Variants in NPAS3 observed in about 807,000 individuals in gnomAD.
The protein encoded by NPAS3 is neuronal PAS domain protein 3, also known as neuronal PAS domain-containing protein 3.
In NPAS3, 14 loss-of-function variants were observed where a neutral mutation model predicts 73.1. The observed-to-expected ratio is 0.19, with a 90% CI of 0.13 to 0.30. NPAS3 has a LOEUF of 0.30. NPAS3 is among the 10% of genes least tolerant of loss of function. The pLI is 1.00. For synonymous variants in NPAS3, 620 were observed against 541.5 expected (o/e 1.14, Z -2.01); for missense variants, 1,096 against 1,250.0 (o/e 0.88, Z 1.86).
intron 2 of NPAS3, among the ~76,000 whole-genome samples, chr14:33,070,766 CA>C (rs1286510694): frequency 6.6e-6 from 1 of 152,156 alleles, no homozygotes; most frequent in Non-Finnish European, 1.5e-5. Context: ...ATCCAGTGAA[CA>C]AAATGCTGAC....
At chr14:33,216,984 A>T (rs990640599) in intron 3 of NPAS3, among the ~76,000 whole-genome samples, 1 of 152,192 alleles carries the variant, frequency 6.6e-6, no homozygotes, top group Non-Finnish European at 1.5e-5. Context: ...GCTATAAAAA[A>T]CTACCCGAGA....
intron 4 of NPAS3, among the ~76,000 whole-genome samples, chr14:33,483,324 G>A (rs2051421739): frequency 1.3e-5 from 2 of 152,102 alleles, no homozygotes; most frequent in South Asian, 4.1e-4. Flanking sequence ...ATCAGTGTTG[G>A]GCTGCTTGTC....
At chr14:33,682,983 G>T (rs1369760207) in intron 6 of NPAS3, among the ~76,000 whole-genome samples, 1 of 152,178 alleles carries the variant, frequency 6.6e-6, no homozygotes, top group Non-Finnish European at 1.5e-5. Flanking sequence ...AGCTACAGAA[G>T]GGCGGCCTCC....
intron 4 of NPAS3, among the ~76,000 whole-genome samples, chr14:33,535,745 A>G (rs572922086): frequency 6.6e-6 from 1 of 152,156 alleles, no homozygotes. Flanking sequence ...TTCTTAAGCC[A>G]TTTTGCCATT....
chr14:33,121,816 G>A (rs1403906252), intron 2 of NPAS3, among the ~76,000 whole-genome samples: 2 of 152,144 alleles, frequency 1.3e-5, no homozygotes, highest in African/African-American at 4.8e-5. Context: ...GTACACCTGA[G>A]AAAACTCAGG....
intron 6 of NPAS3, 133 bp from the exon 7 acceptor site, chr14:33,735,081 A>G: frequency 1.5e-6 from 1 of 661,996 alleles, no homozygotes; most frequent in East Asian, 2.5e-5. Flanking sequence ...AAATGAGGTA[A>G]ATTGATTACT....
At chr14:33,490,441 G>A (rs1485316639) in intron 4 of NPAS3, among the ~76,000 whole-genome samples, 1 of 152,048 alleles carries the variant, frequency 6.6e-6, no homozygotes, top group Non-Finnish European at 1.5e-5. Context: ...AGTATACAGT[G>A]ACATTGTAAG....
chr14:33,419,050 C>T (rs539029119), intron 4 of NPAS3, among the ~76,000 whole-genome samples: 2 of 152,012 alleles, frequency 1.3e-5, no homozygotes, highest in African/African-American at 4.8e-5. Context: ...TAAGCACCAG[C>T]TTAAACTGAT....
intron 4 of NPAS3, among the ~76,000 whole-genome samples, chr14:33,460,916 G>A (rs1341945444): frequency 6.6e-6 from 1 of 152,046 alleles, no homozygotes; most frequent in African/African-American, 2.4e-5. Context: ...TAACATTATT[G>A]GCCTACAACT....
intron 4 of NPAS3, among the ~76,000 whole-genome samples, chr14:33,473,142 G>A (rs2139628909): frequency 6.6e-6 from 1 of 152,292 alleles, no homozygotes; most frequent in African/African-American, 2.4e-5. Flanking sequence ...CATTGTCAAG[G>A]AGAACCGGGA....
rs894926249 is a variant in NPAS3 at position 33,417,709 on chromosome 14, G to A, written c.468+50441G>A. Among the ~76,000 whole-genome samples the A allele has an allele frequency of 2.6e-5, 4 of 151,570 alleles. No homozygotes were observed. The South Asian group carries it at 8.3e-4, about 32-fold the overall frequency. ...CTAAAATAGCATCTGCCTTATTCAGGATAACTTTTGTAAGTTATAAAGCAA... is the reference window on the plus strand; with the variant it reads ...CTAAAATAGCATCTGCCTTATTCAGAATAACTTTTGTAAGTTATAAAGCAA... On this transcript the variant is annotated intron_variant, in intron 4 of 11. Transcript: ENST00000356141.
At chr14:33,233,136 A>G (rs946663335) in intron 3 of NPAS3, among the ~76,000 whole-genome samples, 1 of 152,146 alleles carries the variant, frequency 6.6e-6, no homozygotes, top group Admixed American at 6.6e-5. Context: ...AGTATTTGAT[A>G]TTTTAATTTT....
At chr14:33,497,921 G>T (rs980371906) in intron 4 of NPAS3, among the ~76,000 whole-genome samples, 1 of 151,982 alleles carries the variant, frequency 6.6e-6, no homozygotes, top group Non-Finnish European at 1.5e-5. Context: ...CTACAGAATG[G>T]GAGAAAATTT....
At chr14:33,159,180 AAAATT>A (rs1381628538) in intron 2 of NPAS3, among the ~76,000 whole-genome samples, 1 of 152,168 alleles carries the variant, frequency 6.6e-6, no homozygotes, top group Admixed American at 6.5e-5. Context: ...ATAAATAAAT[AAAATT>A]AAATTAAAAA....
intron 5 of NPAS3, among the ~76,000 whole-genome samples, chr14:33,672,985 A>C (rs10134969): frequency 1.3e-5 from 2 of 152,104 alleles, no homozygotes; most frequent in Non-Finnish European, 2.9e-5. Context: ...TAATGATGAC[A>C]ATGACTCAGG....
At chr14:33,455,650 C>G (rs1372389964) in intron 4 of NPAS3, among the ~76,000 whole-genome samples, 8 of 152,108 alleles carry the variant, frequency 5.3e-5, no homozygotes, top group African/African-American at 7.2e-5. Context: ...ATGACACTGC[C>G]CTCACCATTG....
At chr14:33,044,765 T>C (rs1398531388) in intron 1 of NPAS3, among the ~76,000 whole-genome samples, 1 of 151,056 alleles carries the variant, frequency 6.6e-6, no homozygotes, top group East Asian at 2.0e-4. Flanking sequence ...AGAAGAAGGG[T>C]ACATGCGCCT....
At chr14:33,518,755 G>A (rs2053425576) in intron 4 of NPAS3, among the ~76,000 whole-genome samples, 1 of 148,418 alleles carries the variant, frequency 6.7e-6, no homozygotes, top group African/African-American at 2.5e-5. Flanking sequence ...CCCTAACAGA[G>A]TTGGGGGCCT....
chr14:33,321,593 G>A (rs1220249662), intron 3 of NPAS3, among the ~76,000 whole-genome samples: 1 of 151,906 alleles, frequency 6.6e-6, no homozygotes, highest in Non-Finnish European at 1.5e-5. Flanking sequence ...TGGCTTTGCC[G>A]CTTCCTAGCT....
Sources: allele counts gnomAD v4.1 joint callset (sites outside exome capture counted in the v4.1 genomes callset), GRCh38; gene constraint gnomAD v4.1.1; transcripts MANE v1.5; gene names NCBI Gene and HGNC (gene_info 2026-07-23, HGNC 2026-07-21).